METTL15: variants seen among roughly 807,000 people sequenced by gnomAD.
METTL15 encodes the protein methyltransferase 15, mitochondrial 12S rRNA N4-cytidine.
METTL15 carries 34 observed loss-of-function variants against 38.3 expected under a neutral mutation model. That is an observed-to-expected ratio of 0.89 (90% CI 0.68 to 1.18). The LOEUF is 1.18. METTL15 is among the 50% of genes most tolerant of loss of function. The pLI is 0.00. For missense variants in METTL15, 438 were observed against 498.4 expected, an observed-to-expected ratio of 0.88 and a Z score of 1.15; for synonymous variants, 162 against 170.9, an observed-to-expected ratio of 0.95 and a Z score of 0.41.
chr11:28,236,185 G>C (rs2133892929), intron 4 of METTL15, among the ~76,000 whole-genome samples: 1 of 152,192 alleles, frequency 6.6e-6, no homozygotes, highest in Non-Finnish European at 1.5e-5. Context: ...TAAGCTTTTT[G>C]ATGTGCTGCT....
intron 3 of METTL15, among the ~76,000 whole-genome samples, chr11:28,155,246 C>T (rs578179620): frequency 6.6e-6 from 1 of 152,240 alleles, no homozygotes; most frequent in East Asian, 1.9e-4. Flanking sequence ...ATGTAATGCT[C>T]TCCAATAGGA....
intron 3 of METTL15, among the ~76,000 whole-genome samples, chr11:28,140,802 A>G (rs2133659381): frequency 6.6e-6 from 1 of 152,330 alleles, no homozygotes; most frequent in South Asian, 2.1e-4. Flanking sequence ...CTACTTGTAT[A>G]AGGTGTGAAT....
intron 4 of METTL15, among the ~76,000 whole-genome samples, chr11:28,355,037 C>G (rs895154571): frequency 1.4e-4 from 21 of 152,122 alleles, no homozygotes; most frequent in Admixed American, 1.4e-3. Flanking sequence ...AAGGTCCCTA[C>G]AGGAGAACTC....
intron 6 of METTL15, among the ~76,000 whole-genome samples, chr11:28,449,794 G>A (rs910994320): frequency 3.9e-5 from 6 of 152,140 alleles, no homozygotes; most frequent in Non-Finnish European, 8.8e-5. Context: ...GAGGGGCAAT[G>A]CGGAAAGACA....
intron 6 of METTL15, among the ~76,000 whole-genome samples, chr11:28,503,885 C>T (rs900504401): frequency 6.6e-6 from 1 of 151,566 alleles, no homozygotes; most frequent in South Asian, 2.1e-4. Flanking sequence ...ATTTATGATG[C>T]ATTAGCTAGA....
chr11:28,209,650 C>T (rs117050257), intron 3 of METTL15, among the ~76,000 whole-genome samples: 4,512 of 151,974 alleles, frequency 0.03, 88 homozygotes, highest in Non-Finnish European at 0.045. Context: ...AGACGATTTC[C>T]TCCATGTTAT....
Position 28,330,653 on chromosome 11 carries a change from G to A in METTL15, c.1036G>A (p.Val346Ile), listed in dbSNP as rs1367442457. The A allele has an allele frequency of 1.3e-6, 2 of 1,551,270 alleles. No homozygotes were observed. The highest frequency in any genetic ancestry group is 3.9e-5 in the Admixed American group (2 of 50,968). Residue 346 changes from valine to isoleucine, a missense_variant, in exon 7 of 7, where the codon GTT becomes ATT. Physicochemically the swap from Val to Ile is conservative, Grantham distance 29 (BLOSUM62 3). Coordinates refer to ENST00000407364, the MANE Select transcript of METTL15 (RefSeq NM_001113528.2). ...ISMTERFNLS[V>I]RQQVMKTSQL... ...CATGACAGAAAGATTTAACCTAAGT[G>A]TTAGACAACAAGTGATGAAAACATC... is the stretch of plus-strand genomic sequence containing the variant.
At chr11:28,431,370 G>A (rs920002929) in intron 6 of METTL15, among the ~76,000 whole-genome samples, 6 of 110,650 alleles carry the variant, frequency 5.4e-5, no homozygotes, top group African/African-American at 1.5e-4. Flanking sequence ...TTGAGAAATC[G>A]GATGGTTGCC....
intron 4 of METTL15, among the ~76,000 whole-genome samples, chr11:28,228,191 G>A (rs1225498726): frequency 2.6e-5 from 4 of 151,980 alleles, no homozygotes; most frequent in Admixed American, 2.0e-4. Context: ...TCCCTTGTGT[G>A]TAATCAGTAA....
chr11:28,122,027 A>C (rs996056447), intron 3 of METTL15: 5 of 552,056 alleles, frequency 9.1e-6, no homozygotes, highest in Non-Finnish European at 1.2e-5. Flanking sequence ...TTGATCATTT[A>C]ATAAATTGTA....
intron 5 of METTL15, among the ~76,000 whole-genome samples, chr11:28,365,359 A>G (rs555022499): frequency 6.6e-6 from 1 of 152,046 alleles, no homozygotes; most frequent in Non-Finnish European, 1.5e-5. Flanking sequence ...TGAACTTGCT[A>G]TTGGCCTGTT....
At chr11:28,351,261 G>A (rs752770762) in intron 3 of METTL15, among the ~76,000 whole-genome samples, 20 of 151,924 alleles carry the variant, frequency 1.3e-4, no homozygotes, top group Non-Finnish European at 2.1e-4. Context: ...ACAGGCACGC[G>A]CCACCATGCC....
rs1201456084 is a variant in METTL15 at position 28,362,203 on chromosome 11, C to T, written c.*358+167C>T. ...AAATAATTACACAATTGCAATTAAACAAACAGTCCTGATTGTGATATTAAG... is the reference window on the plus strand; with the variant it reads ...AAATAATTACACAATTGCAATTAAATAAACAGTCCTGATTGTGATATTAAG... On this transcript the variant is annotated intron_variant and NMD_transcript_variant, in intron 5 of 7. Coordinates refer to the METTL15 transcript ENST00000532947. 3.3e-5 allele frequency among the ~76,000 whole-genome samples: 5 copies of T among 151,968 alleles called. No individual in the cohort carries two copies. The East Asian group carries it at 5.8e-4, about 18-fold the overall frequency.
At chr11:28,132,483 G>A (rs1460677792) in intron 3 of METTL15, among the ~76,000 whole-genome samples, 1 of 150,554 alleles carries the variant, frequency 6.6e-6, no homozygotes, top group African/African-American at 2.4e-5. Context: ...GTTTTAAACT[G>A]GTTGAAAATA....
intron 3 of METTL15, chr11:28,163,296 C>A: frequency 2.5e-6 from 1 of 397,478 alleles, no homozygotes; most frequent in Non-Finnish European, 4.4e-6. Context: ...AAAAGTATGG[C>A]ATAAATTCTA....
chr11:28,355,096 TCC>T, intron 4 of METTL15, among the ~76,000 whole-genome samples: 1 of 152,144 alleles, frequency 6.6e-6, no homozygotes, highest in Admixed American at 6.5e-5. Flanking sequence ...GTCCACATGT[TCC>T]TGGGTCACCC....
intron 5 of METTL15, among the ~76,000 whole-genome samples, chr11:28,404,173 G>A (rs1157911930): frequency 6.6e-6 from 1 of 151,966 alleles, no homozygotes; most frequent in Admixed American, 6.6e-5. Context: ...TTTATTAAAA[G>A]CTATGGAGTC....
chr11:28,499,487 A>G (rs1366554857), intron 6 of METTL15, among the ~76,000 whole-genome samples: 3 of 152,226 alleles, frequency 2.0e-5, no homozygotes, highest in African/African-American at 7.2e-5. Context: ...AGTTCTCTTT[A>G]TTCCTAGATG....
At chr11:28,458,508 A>G (rs1332134289) in intron 6 of METTL15, among the ~76,000 whole-genome samples, 1 of 152,154 alleles carries the variant, frequency 6.6e-6, no homozygotes, top group Non-Finnish European at 1.5e-5. Context: ...TCTTAACACC[A>G]CTGCTCTGAG....
Sources: allele counts gnomAD v4.1 joint callset (sites outside exome capture counted in the v4.1 genomes callset), GRCh38; gene constraint gnomAD v4.1.1; transcripts MANE v1.5; gene names NCBI Gene and HGNC (gene_info 2026-07-23, HGNC 2026-07-21).